Variants in PCDHA2 observed in about 807,000 individuals in gnomAD.
The protein encoded by PCDHA2 is protocadherin alpha-2.
In PCDHA2, 58 loss-of-function variants were observed where a neutral mutation model predicts 66.0. That is an observed-to-expected ratio of 0.88 (90% CI 0.71 to 1.09). The LOEUF (loss-of-function observed/expected upper bound fraction) is 1.09, where lower values mean the gene tolerates loss of function less well. Ranked by LOEUF, PCDHA2 falls within the 50% of genes least tolerant of loss-of-function variation. PCDHA2 has a pLI of 0.00. For missense variants in PCDHA2, 1,267 were observed against 1,242.3 expected (o/e 1.02, Z -0.30); for synonymous variants, 634 against 554.0 (o/e 1.14, Z -2.03).
Position 140,796,634 on chromosome 5 carries a change from A to G in PCDHA2, c.1670A>G (p.Asp557Gly). 1 of 1,613,762 alleles carries G rather than the reference A, an allele frequency of 6.2e-7. No individual in the cohort carries two copies. The highest frequency in any genetic ancestry group is 8.5e-7 in the Non-Finnish European group (1 of 1,179,882). Residue 557 changes from aspartate to glycine, a missense_variant, in exon 1 of 4, where the codon GAC becomes GGC. Transcript: ENST00000526136. The stretch of plus-strand genomic sequence containing the variant: ...GTGACGCTGCAGGTGTTCGTGCTGG[A>G]CGAGAACGACAACGCGCCGGCACTG... ...SNVTLQVFVL[D>G]ENDNAPALLA...
chr5:140,836,907 C>A, intron 1 of PCDHA2: 1 of 583,884 alleles, frequency 1.7e-6, no homozygotes, highest in Non-Finnish European at 2.8e-6. Flanking sequence ...GTTTAATATA[C>A]ACTTTTGTTT....
At position 140,856,143 on chromosome 5, in the gene PCDHA2, A is replaced by G. The variant is rs782449893; in HGVS notation, c.2388+58791A>G. 6 of 1,598,020 alleles carry G rather than the reference A, an allele frequency of 3.8e-6. 1 individual carries two copies. The South Asian group carries it at 6.6e-5, about 18-fold the overall frequency. On this transcript the variant is annotated intron_variant, in intron 1 of 3. Coordinates refer to ENST00000526136, the MANE Select transcript of PCDHA2 (RefSeq NM_018905.3). ...GAGGTGGGGAGCGGCCAGCTCCACTACTCAGTCTACGAGGAGGCCAGACAC... is the reference window on the plus strand; with the variant it reads ...GAGGTGGGGAGCGGCCAGCTCCACTGCTCAGTCTACGAGGAGGCCAGACAC...
chr5:140,891,133 A>AAAGGT (rs1241650823), intron 1 of PCDHA2, among the ~76,000 whole-genome samples: 2 of 152,106 alleles, frequency 1.3e-5, no homozygotes, highest in Non-Finnish European at 1.5e-5. Context: ...TCATTCCTTT[A>AAAGGT]AAGGTATTCT....
intron 1 of PCDHA2, chr5:140,875,828 T>C: frequency 6.2e-7 from 1 of 1,614,196 alleles, no homozygotes; most frequent in African/African-American, 1.3e-5. Flanking sequence ...GTTTTCCATG[T>C]GGACGTGGAG....
In PCDHA2 at chr5:140,823,396, G is replaced by T. The variant is rs17844295; in HGVS notation, c.2388+26044G>T. Reference sequence around the variant, plus strand: ...CCAGGTGAGCGCGCGCGACGCGGGCGTGCCGCCTCTGGGCAGCAACGTGAC... The same window carrying T: ...CCAGGTGAGCGCGCGCGACGCGGGCTTGCCGCCTCTGGGCAGCAACGTGAC... On this transcript the variant is annotated intron_variant, in intron 1 of 3. Transcript: ENST00000526136. 31 of 1,612,796 alleles carry T rather than the reference G, an allele frequency of 1.9e-5. No homozygotes were observed. The East Asian group carries it at 6.5e-4, about 34-fold the overall frequency.
intron 1 of PCDHA2, chr5:140,966,716 G>T: frequency 1.4e-6 from 2 of 1,394,682 alleles, no homozygotes; most frequent in Non-Finnish European, 9.2e-7. Context: ...CACGGCTGGG[G>T]AAGCTGCCGC....
At chr5:140,939,987 C>T (rs2092516961) in intron 1 of PCDHA2, among the ~76,000 whole-genome samples, 1 of 152,060 alleles carries the variant, frequency 6.6e-6, no homozygotes. Flanking sequence ...TGAATTGTTT[C>T]TCCTTGGATT....
intron 1 of PCDHA2, chr5:140,926,801 C>T: frequency 1.4e-6 from 2 of 1,451,506 alleles, no homozygotes; most frequent in Non-Finnish European, 9.0e-7. Flanking sequence ...GCGTGCTCTT[C>T]CCCGCGGCTC....
At chr5:140,966,655 G>C in intron 1 of PCDHA2, 1 of 1,195,250 alleles carries the variant, frequency 8.4e-7, no homozygotes, top group South Asian at 2.0e-5. Context: ...CGTGAGCGGT[G>C]GGGGAGCAGG....
At chr5:140,883,066 C>G in intron 1 of PCDHA2, 1 of 1,614,070 alleles carries the variant, frequency 6.2e-7, no homozygotes. Flanking sequence ...AGCTAAATGC[C>G]ACAGATCCTG....
chr5:140,807,676 G>A (rs1554124190), intron 1 of PCDHA2: 3 of 1,614,196 alleles, frequency 1.9e-6, no homozygotes, highest in East Asian at 4.5e-5. Flanking sequence ...CAGATATCGG[G>A]GAGAACGCCC....
intron 1 of PCDHA2, chr5:140,807,028 G>T (rs1204723671): frequency 2.3e-6 from 2 of 876,818 alleles, no homozygotes; most frequent in African/African-American, 1.7e-5. Context: ...AGAGAAGGAG[G>T]AAGAAGGGAA....
intron 1 of PCDHA2, chr5:140,860,694 G>T (rs1263105739): frequency 2.6e-5 from 4 of 152,196 alleles, no homozygotes; most frequent in African/African-American, 7.2e-5. Context: ...TGAGCGACAG[G>T]ATATTGTTGT....
At chr5:140,953,126 C>T (rs1284922743) in intron 1 of PCDHA2, among the ~76,000 whole-genome samples, 2 of 152,096 alleles carry the variant, frequency 1.3e-5, no homozygotes, top group African/African-American at 2.4e-5. Flanking sequence ...AGATCTAAAC[C>T]GTATCACTGT....
intron 1 of PCDHA2, chr5:140,850,325 G>A (rs1554144196): frequency 2.5e-6 from 4 of 1,597,604 alleles, no homozygotes; most frequent in Non-Finnish European, 1.7e-6. Context: ...TTTCATACGA[G>A]CTGCAGCCAG....
Position 140,993,462 on chromosome 5 carries a change from T to A in PCDHA2, c.2536+10899T>A, listed in dbSNP as rs540334246. Among the ~76,000 whole-genome samples, 1,220 of 141,042 alleles carry A rather than the reference T, an allele frequency of 8.6e-3. 14 individuals carry two copies. The highest frequency in any genetic ancestry group is 0.02 in the African/African-American group (760 of 37,958). 92.5% of individuals were successfully genotyped at this position (141,042 alleles called of 152,430 possible). A position where few individuals can be genotyped will look rare whatever the true frequency, so the allele number is the denominator to read the frequency against. On this transcript the variant is annotated intron_variant, in intron 3 of 3. Coordinates refer to ENST00000526136, the MANE Select transcript of PCDHA2 (RefSeq NM_018905.3). ...CATTCCTGTTCTCCTTCTTTCTTTC[T>A]CACACACACACACACACACACACAC...
Position 140,883,794 on chromosome 5 carries a change from C to T in PCDHA2, c.2388+86442C>T, listed in dbSNP as rs781822448. On this transcript the variant is annotated intron_variant, in intron 1 of 3. Coordinates refer to ENST00000526136, the MANE Select transcript of PCDHA2 (RefSeq NM_018905.3). ...GAGCGTGCGCTGTCGAGCTACGTGT[C>T]GGTGCACGCGGAGAGCGGCAAGGTG... 8 of 1,612,476 alleles carry T rather than the reference C, an allele frequency of 5.0e-6. No individual in the cohort carries two copies. The East Asian group carries it at 1.6e-4, about 31-fold the overall frequency.
intron 1 of PCDHA2, among the ~76,000 whole-genome samples, chr5:140,889,948 A>G (rs956594809): frequency 6.6e-6 from 1 of 152,194 alleles, no homozygotes; most frequent in Admixed American, 6.6e-5. Flanking sequence ...TGAGAAGCCA[A>G]ATGGATAGAA....
intron 1 of PCDHA2, among the ~76,000 whole-genome samples, chr5:140,963,607 G>A (rs558578531): frequency 2.0e-5 from 3 of 152,306 alleles, no homozygotes; most frequent in Non-Finnish European, 4.4e-5. Context: ...GACGTAATTG[G>A]GAAAGCTTAA....
Sources: allele counts gnomAD v4.1 joint callset (sites outside exome capture counted in the v4.1 genomes callset), GRCh38; gene constraint gnomAD v4.1.1; transcripts MANE v1.5; gene names NCBI Gene and HGNC (gene_info 2026-07-23, HGNC 2026-07-21).